Variants in DNAJC10 observed in about 807,000 individuals in gnomAD.
The protein encoded by DNAJC10 is DnaJ heat shock protein family (Hsp40) member C10.
Under a neutral mutation model 115.0 loss-of-function variants are expected in DNAJC10, and 101 were observed. The observed-to-expected ratio is 0.88, with a 90% CI of 0.75 to 1.04. The LOEUF (loss-of-function observed/expected upper bound fraction) is 1.04. DNAJC10 is among the 50% of genes least tolerant of loss of function. The probability of loss-of-function intolerance (pLI) is 0.00; values close to 1 mark genes in which losing one functional copy is unlikely to be tolerated. For missense variants in DNAJC10, 981 were observed against 928.8 expected, an observed-to-expected ratio of 1.06 and a Z score of -0.73; for synonymous variants, 307 against 301.5, an observed-to-expected ratio of 1.02 and a Z score of -0.19.
chr2:182,743,737 A>G (rs895785526), intron 14 of DNAJC10, 25 bp downstream of exon 14: 7 of 1,489,122 alleles, frequency 4.7e-6, no homozygotes, highest in Non-Finnish European at 5.5e-6. Context: ...AAATGATAAA[A>G]AAAAACTTAG....
chr2:182,748,881 A>G (rs1369950774), intron 14 of DNAJC10, among the ~76,000 whole-genome samples: 1 of 151,904 alleles, frequency 6.6e-6, no homozygotes, highest in East Asian at 1.9e-4. Flanking sequence ...GTTTCAAAGA[A>G]CATCTTTATT....
rs1694128169 is a variant in DNAJC10, at chr2:182,755,257, C to T, written c.1653+153C>T. 2.6e-5 allele frequency among the ~76,000 whole-genome samples: 4 copies of T among 152,042 alleles called. 1 individual carries two copies. The South Asian group carries it at 8.3e-4, about 32-fold the overall frequency. On this transcript the variant is annotated intron_variant, in intron 17 of 23. Coordinates refer to ENST00000264065, the MANE Select transcript of DNAJC10 (RefSeq NM_018981.4). The stretch of plus-strand genomic sequence containing the variant: ...TTTAAAGAATTTTTCTAATGTTTTA[C>T]TCTTCTTATATACTTGTCTGTAAAC...
In DNAJC10 at chr2:182,757,770, A is replaced by C. The variant is rs773705959; in HGVS notation, c.1888A>C (p.Arg630=). Residue 630 remains arginine, a synonymous_variant, in exon 19 of 24, where the codon AGA becomes CGA. Transcript: ENST00000264065. ...HSFCAQENVQ[R]YPEIRFFPPK... ...TTTTTGTGCCCAGGAAAACGTTCAA[A>C]GATACCCTGAGATAAGATTTTTTCC... The C allele has an allele frequency of 1.3e-6, 2 of 1,584,256 alleles. No individual in the cohort carries two copies. Among genetic ancestry groups the C allele is most frequent in the South Asian group, 2.2e-5 (2 of 88,994 alleles).
chr2:182,773,221 C>T (rs1190888686), intron 22 of DNAJC10, among the ~76,000 whole-genome samples: 1 of 152,174 alleles, frequency 6.6e-6, no homozygotes, highest in African/African-American at 2.4e-5. Flanking sequence ...TGATGGGCTT[C>T]CCTTTGAGGG....
At chr2:182,764,423 T>C (rs1490093403) in intron 22 of DNAJC10, among the ~76,000 whole-genome samples, 2 of 152,128 alleles carry the variant, frequency 1.3e-5, no homozygotes, top group African/African-American at 2.4e-5. Flanking sequence ...AGAAATCTTA[T>C]TTTTCAAGTA....
rs1330710099 is a variant in DNAJC10, at chr2:182,777,884, CA to C, written c.*755del. 3 of 152,020 alleles carry C rather than the reference CA, an allele frequency of 2.0e-5. No individual in the cohort carries two copies. The highest frequency in any genetic ancestry group is 2.9e-5 in the Non-Finnish European group (2 of 67,998). 9.4% of individuals were successfully genotyped at this position (152,020 alleles called of 1,614,324 possible). Reference sequence around the variant, plus strand: ...ACAAATTTGAGCAACAGTAAGTGCACAAATTCTGTAGTTTGCCGTATCATCC... The same window carrying C: ...ACAAATTTGAGCAACAGTAAGTGCACAATTCTGTAGTTTGCCGTATCATCC... On this transcript the variant is annotated 3_prime_UTR_variant, in exon 24 of 24. Coordinates refer to ENST00000264065, the MANE Select transcript of DNAJC10 (RefSeq NM_018981.4).
chr2:182,743,783 T>G, intron 14 of DNAJC10, 71 bp downstream of exon 14: 1 of 1,075,912 alleles, frequency 9.3e-7, no homozygotes, highest in Non-Finnish European at 1.4e-6. Context: ...AATTGTGCTT[T>G]TTAAACTTAT....
At position 182,741,357 on chromosome 2, in the gene DNAJC10, G is replaced by A. The variant is rs1693732735; in HGVS notation, c.1191+1G>A. The A allele has an allele frequency of 1.3e-6, 2 of 1,490,084 alleles. No individual in the cohort carries two copies. The highest frequency in any genetic ancestry group is 1.8e-6 in the Non-Finnish European group (2 of 1,086,686). The allele number at this position is 1,490,084 out of a possible 1,614,324, so 92.3% of individuals were successfully genotyped here. On this transcript the variant is annotated splice_donor_variant, in intron 13 of 23. Coordinates refer to ENST00000264065, the MANE Select transcript of DNAJC10 (RefSeq NM_018981.4). LOFTEE classifies it high-confidence loss of function. The stretch of plus-strand genomic sequence containing the variant: ...TCTACTTAAAAATGATCATATTCAA[G>A]TAAGAAAAATGTATTCTGCCTAGCC...
chr2:182,735,085 C>A (rs2105633594), intron 10 of DNAJC10, among the ~76,000 whole-genome samples: 1 of 151,494 alleles, frequency 6.6e-6, no homozygotes, highest in East Asian at 1.9e-4. Context: ...ATTTGTCCTA[C>A]CTGTTTTATA....
At chr2:182,751,228 A>G (rs1694009578) in intron 14 of DNAJC10, among the ~76,000 whole-genome samples, 1 of 126,616 alleles carries the variant, frequency 7.9e-6, no homozygotes, top group South Asian at 2.7e-4. Context: ...TCCACCTCCC[A>G]GGTTCAAGCA....
Position 182,729,841 on chromosome 2 carries a change from C to A in DNAJC10, c.634-7C>A. The A allele has an allele frequency of 6.4e-7, 1 of 1,558,874 alleles. No homozygotes were observed. The highest frequency in any genetic ancestry group is 8.6e-7 in the Non-Finnish European group (1 of 1,156,548). On this transcript the variant is annotated splice_polypyrimidine_tract_variant and splice_region_variant and intron_variant, in intron 7 of 23. Transcript: ENST00000264065. ...AAAGATGTTTCTCTTCTTACAAAAACCAATAGGCCCCAGTGAAATATCATG... is the reference window on the plus strand; with the variant it reads ...AAAGATGTTTCTCTTCTTACAAAAAACAATAGGCCCCAGTGAAATATCATG...
rs1196555527 is a variant in DNAJC10, at chr2:182,788,513, A to T, written c.*11381A>T. 4.9e-6 allele frequency: 1 copy of T among 202,200 alleles called. No individual in the cohort carries two copies. The highest frequency in any genetic ancestry group is 1.0e-5 in the Non-Finnish European group (1 of 99,234). 12.5% of individuals were successfully genotyped at this position (202,200 alleles called of 1,614,324 possible). A position where few individuals can be genotyped will look rare whatever the true frequency, so the allele number is the denominator to read the frequency against. On this transcript the variant is annotated 3_prime_UTR_variant, in exon 24 of 24. Transcript: ENST00000264065. ...AGGAGAAAATGGGAGTAAAAACAAA[A>T]TGTATAAAAAGTATTAAAATTTGAA... is the stretch of plus-strand genomic sequence containing the variant.
intron 5 of DNAJC10, among the ~76,000 whole-genome samples, chr2:182,722,659 C>T (rs1290426056): frequency 1.3e-5 from 2 of 152,092 alleles, no homozygotes; most frequent in Admixed American, 1.3e-4. Flanking sequence ...TAAAATACAG[C>T]CAGGCGCGGT....
intron 10 of DNAJC10, among the ~76,000 whole-genome samples, chr2:182,733,632 C>A (rs1048697347): frequency 1.3e-5 from 2 of 150,000 alleles, no homozygotes; most frequent in Non-Finnish European, 3.0e-5. Context: ...AAAGTATTAT[C>A]TCTTTTTCTC....
At chr2:182,735,078 T>C (rs1418415779) in intron 10 of DNAJC10, among the ~76,000 whole-genome samples, 1 of 151,790 alleles carries the variant, frequency 6.6e-6, no homozygotes, top group Non-Finnish European at 1.5e-5. Flanking sequence ...GTTTTATATT[T>C]GTCCTACCTG....
intron 23 of DNAJC10, 150 bp from the exon 24 acceptor site, chr2:182,776,971 G>A: frequency 2.2e-6 from 1 of 451,830 alleles, no homozygotes; most frequent in Non-Finnish European, 3.9e-6. Flanking sequence ...TTATATTTTG[G>A]CAAAGTATAT....
intron 5 of DNAJC10, among the ~76,000 whole-genome samples, chr2:182,726,325 G>A (rs192400728): frequency 1.3e-4 from 20 of 152,134 alleles, no homozygotes; most frequent in Admixed American, 2.0e-4. Flanking sequence ...ACCATGGGGC[G>A]GTGAGGAGTT....
Position 182,720,097 on chromosome 2 carries a change from T to A in DNAJC10, c.295T>A (p.Tyr99Asn). 2.5e-6 allele frequency: 4 copies of A among 1,611,462 alleles called. No homozygotes were observed. Among genetic ancestry groups the A allele is most frequent in the Non-Finnish European group, 3.4e-6 (4 of 1,178,248 alleles). The change falls in exon 4 of 24, where the codon TAT (tyrosine) becomes AAT (asparagine). Residue 99 changes from tyrosine to asparagine, a missense_variant. Physicochemically the swap from Tyr to Asn is moderately radical, Grantham distance 143. Coordinates refer to ENST00000264065, the MANE Select transcript of DNAJC10 (RefSeq NM_018981.4). ...AGATCTACGGAAAAAGTATGACAAA[T>A]ATGGAGAAAAGGGACTTGAGGATAA... ...DEDLRKKYDK[Y>N]GEKGLEDNQG... is the part of the protein sequence containing the mutation.
chr2:182,736,802 T>C (rs1398645583), intron 11 of DNAJC10, among the ~76,000 whole-genome samples: 3 of 152,216 alleles, frequency 2.0e-5, no homozygotes, highest in Non-Finnish European at 2.9e-5. Flanking sequence ...CAGGCTGTAG[T>C]GCAGTGGCGT....
Sources: allele counts gnomAD v4.1 joint callset (sites outside exome capture counted in the v4.1 genomes callset), GRCh38; gene constraint gnomAD v4.1.1; transcripts MANE v1.5; gene names NCBI Gene and HGNC (gene_info 2026-07-23, HGNC 2026-07-21).